Variants in HEATR4 observed in about 807,000 individuals in gnomAD.
HEATR4 encodes HEAT repeat containing 4.
In HEATR4, 95 loss-of-function variants were observed where a neutral mutation model predicts 108.8. That is an observed-to-expected ratio of 0.87 (90% CI 0.74 to 1.04). The LOEUF is 1.04. Among genes scored for constraint, HEATR4 ranks in the 50% least tolerant of loss-of-function variants. HEATR4 has a pLI of 0.00. For missense variants in HEATR4, 1,152 were observed against 1,253.8 expected, an observed-to-expected ratio of 0.92 and a Z score of 1.23; for synonymous variants, 443 against 459.4, an observed-to-expected ratio of 0.96 and a Z score of 0.46.
At chr14:73,520,633 G>A (rs1323000988) in intron 4 of HEATR4, 3 of 485,278 alleles carry the variant, frequency 6.2e-6, no homozygotes, top group African/African-American at 2.0e-5. Flanking sequence ...TAAGATAGAG[G>A]GATAGAGAAA....
At chr14:73,530,449 G>T (rs1206715287) in intron 1 of HEATR4, 2 of 130,130 alleles carry the variant, frequency 1.5e-5, no homozygotes, top group African/African-American at 5.3e-5. Flanking sequence ...GGGAGAGTGG[G>T]ATTAGGGAAC....
At chr14:73,594,594 T>C in the HEATR4 span, among the ~76,000 whole-genome samples, 1 of 152,226 alleles carries the variant, frequency 6.6e-6, no homozygotes, top group Admixed American at 6.5e-5. Flanking sequence ...CTGAGGTTGA[T>C]TTTCTTGTGG....
intron 4 of HEATR4, 69 bp from the exon 5 acceptor site, chr14:73,519,232 T>C (rs773195804): frequency 1.3e-6 from 2 of 1,490,070 alleles, no homozygotes; most frequent in Admixed American, 3.9e-5. Context: ...GGGTTCCTAA[T>C]CACCAGGATC....
chr14:73,498,852 CCTTT>C (rs1356937255), intron 13 of HEATR4, among the ~76,000 whole-genome samples: 2 of 152,156 alleles, frequency 1.3e-5, no homozygotes, highest in African/African-American at 2.4e-5. Flanking sequence ...TCTTGTCAGC[CCTTT>C]CTTTAACTTA....
intron 10 of HEATR4, among the ~76,000 whole-genome samples, chr14:73,503,562 C>T (rs113942678): frequency 0.012 from 1,798 of 152,318 alleles, 34 homozygotes; most frequent in African/African-American, 0.042. Flanking sequence ...TCTACTCCTA[C>T]CTGGTACTTG....
rs2140319867 is a variant in HEATR4, at chr14:73,551,806, T to C, written c.-152+6945A>G. ...CCTGGGCAACAAGAGTAAATCTCCG[T>C]CTTAAAAAAAAAAAAAAAACAGACA... is the stretch of plus-strand genomic sequence containing the variant. On this transcript the variant is annotated intron_variant, in intron 1 of 17. Coordinates refer to ENST00000553558, the MANE Select transcript of HEATR4 (RefSeq NM_001220484.1). Among the ~76,000 whole-genome samples the C allele has an allele frequency of 2.0e-5, 2 of 100,504 alleles. 1 individual carries two copies. Among genetic ancestry groups the C allele is most frequent in the South Asian group, 6.5e-4 (2 of 3,054 alleles). The allele number at this position is 100,504 out of a possible 152,430, so 65.9% of individuals were successfully genotyped here.
the HEATR4 span, among the ~76,000 whole-genome samples, chr14:73,598,383 C>T: frequency 6.8e-6 from 1 of 147,584 alleles, no homozygotes; most frequent in East Asian, 2.0e-4. Flanking sequence ...GAGCAAGACT[C>T]CGTCTCAAAA....
At chr14:73,526,254 G>T (rs1002979189) in intron 2 of HEATR4, among the ~76,000 whole-genome samples, 18 of 152,196 alleles carry the variant, frequency 1.2e-4, no homozygotes, top group Non-Finnish European at 2.2e-4. Flanking sequence ...TCAGCTCTGG[G>T]CCAGAGGAGA....
chr14:73,619,983 C>T, the HEATR4 span: 3 of 937,802 alleles, frequency 3.2e-6, no homozygotes, highest in Non-Finnish European at 4.5e-6. Flanking sequence ...ATAATCTTGG[C>T]TCACTGTAAC....
chr14:73,617,030 C>A, the HEATR4 span: 1 of 907,254 alleles, frequency 1.1e-6, no homozygotes, highest in Non-Finnish European at 1.8e-6. Context: ...TGTTTGGGAG[C>A]AGCAGGGGCC....
At chr14:73,591,997 G>A in the HEATR4 span, 1 of 1,422,646 alleles carries the variant, frequency 7.0e-7, no homozygotes, top group Non-Finnish European at 9.2e-7. Flanking sequence ...CCAGGCCGCT[G>A]CTGCTGGAAC....
At chr14:73,517,904 T>C (rs1418825428) in intron 5 of HEATR4, among the ~76,000 whole-genome samples, 1 of 151,872 alleles carries the variant, frequency 6.6e-6, no homozygotes, top group Non-Finnish European at 1.5e-5. Flanking sequence ...CTGGCCAACA[T>C]GGTGAACCCC....
chr14:73,558,672 TA>T (rs1381550277), intron 1 of HEATR4, 78 bp downstream of exon 1: 1 of 151,656 alleles, frequency 6.6e-6, no homozygotes, highest in Non-Finnish European at 1.5e-5. Context: ...CCTGATTTTA[TA>T]AATCCCAAAA....
rs192617981 is a variant in HEATR4 at position 73,486,606 on chromosome 14, G to C, written c.2844+6460C>G. 1.8e-4 allele frequency among the ~76,000 whole-genome samples: 27 copies of C among 152,136 alleles called. No homozygotes were observed. The East Asian group carries it at 3.5e-3, about 20-fold the overall frequency. On this transcript the variant is annotated intron_variant, in intron 17 of 17. Transcript: ENST00000553558. ...CCAGCTACTTGGGAGGTGGAGACAGGAGAATTGCTTGAACCCAGGAGGCGG... is the reference window on the plus strand; with the variant it reads ...CCAGCTACTTGGGAGGTGGAGACAGCAGAATTGCTTGAACCCAGGAGGCGG...
Position 73,492,696 on chromosome 14 carries a change from G to C in HEATR4, c.2844+370C>G. On this transcript the variant is annotated intron_variant, in intron 17 of 17. Coordinates refer to ENST00000553558, the MANE Select transcript of HEATR4 (RefSeq NM_001220484.1). The surrounding 1 kb of genome is among the most constrained non-coding windows in gnomAD (Gnocchi z 4.9). ...CAGGATGGGATAGCTCGGCTGGTGG[G>C]TGAGGGGGGCCATTTGTTTCTCTAT... is the stretch of plus-strand genomic sequence containing the variant. 1 of 1,614,012 alleles carries C rather than the reference G, an allele frequency of 6.2e-7. No individual in the cohort carries two copies. The highest frequency in any genetic ancestry group is 8.5e-7 in the Non-Finnish European group (1 of 1,179,896).
intron 4 of HEATR4, 69 bp from the exon 5 acceptor site, chr14:73,519,232 T>G (rs773195804): frequency 1.2e-5 from 18 of 1,490,070 alleles, no homozygotes; most frequent in Non-Finnish European, 1.6e-5. Context: ...GGGTTCCTAA[T>G]CACCAGGATC....
At position 73,478,860 on chromosome 14, in the gene HEATR4, A is replaced by C. The variant is rs1406035037; in HGVS notation, c.2845-18T>G. The C allele has an allele frequency of 6.3e-7, 1 of 1,579,896 alleles. No individual in the cohort carries two copies. The highest frequency in any genetic ancestry group is 8.6e-7 in the Non-Finnish European group (1 of 1,158,476). On this transcript the variant is annotated intron_variant, in intron 17 of 17. Transcript: ENST00000553558. The stretch of plus-strand genomic sequence containing the variant: ...TTCACAGGCTGCAGAGAAACATGAA[A>C]ACATGAGTGCATATGCCAAACGTGT...
chr14:73,494,877 A>G (rs1460205518), intron 16 of HEATR4, among the ~76,000 whole-genome samples: 1 of 152,080 alleles, frequency 6.6e-6, no homozygotes, highest in Non-Finnish European at 1.5e-5. Flanking sequence ...CACTACCACT[A>G]TTAAGGTTAA....
At chr14:73,576,898 GA>G in the HEATR4 span, among the ~76,000 whole-genome samples, 7 of 139,786 alleles carry the variant, frequency 5.0e-5, no homozygotes, top group African/African-American at 1.1e-4. Flanking sequence ...GTATTTAAAG[GA>G]AAAAAAACCT....
Sources: allele counts gnomAD v4.1 joint callset (sites outside exome capture counted in the v4.1 genomes callset), GRCh38; gene constraint gnomAD v4.1.1; non-coding constraint Gnocchi (gnomAD v3.1); transcripts MANE v1.5; gene names NCBI Gene and HGNC (gene_info 2026-07-23, HGNC 2026-07-21).